Variants in VPS13C observed in about 807,000 individuals in gnomAD.
VPS13C encodes intermembrane lipid transfer protein VPS13C.
VPS13C carries 358 observed loss-of-function variants against 456.8 expected under a neutral mutation model. The observed-to-expected ratio is 0.78, with a 90% CI of 0.72 to 0.86. The LOEUF (loss-of-function observed/expected upper bound fraction) is 0.86. VPS13C is among the 40% of genes least tolerant of loss of function. The pLI is 0.00. For missense variants in VPS13C, 4,818 were observed against 4,385.4 expected, an observed-to-expected ratio of 1.10 and a Z score of -2.79; for synonymous variants, 1,578 against 1,486.7, an observed-to-expected ratio of 1.06 and a Z score of -1.41.
At chr15:61,920,441 TTA>T (rs1313725469) in intron 56 of VPS13C, 55 bp downstream of exon 56, 12 of 1,487,596 alleles carry the variant, frequency 8.1e-6, no homozygotes, top group South Asian at 2.9e-5. Context: ...GACAAAAAAA[TTA>T]TATGTTTCAT....
At chr15:62,018,272 C>T (rs2140550164) in intron 9 of VPS13C, among the ~76,000 whole-genome samples, 1 of 152,160 alleles carries the variant, frequency 6.6e-6, no homozygotes. Context: ...ATTGAATACC[C>T]TTTATTTCTT....
chr15:61,954,688 T>A (rs948373230), intron 37 of VPS13C, 134 bp from the exon 38 acceptor site: 2 of 837,634 alleles, frequency 2.4e-6, no homozygotes, highest in African/African-American at 1.8e-5. Context: ...CGCTAGCCCT[T>A]GGAAAACTCA....
In VPS13C at chr15:61,911,487, A is replaced by G. The variant is rs1376981491; in HGVS notation, c.8715+353T>C. 2.0e-5 allele frequency among the ~76,000 whole-genome samples: 3 copies of G among 152,144 alleles called. No homozygotes were observed. In the East Asian group the frequency reaches 5.8e-4, roughly 29 times the overall value. On this transcript the variant is annotated intron_variant, in intron 63 of 84. Transcript: ENST00000644861. Reference sequence around the variant, plus strand: ...GGATGTGCTATCTCTCCACATGCAGACTTTTATGACTCTTTTAAGATAATA... The same window carrying G: ...GGATGTGCTATCTCTCCACATGCAGGCTTTTATGACTCTTTTAAGATAATA...
rs886300601 is a variant in VPS13C at position 61,991,778 on chromosome 15, T to A, written c.1378A>T (p.Arg460Trp). 2.5e-6 allele frequency: 4 copies of A among 1,613,310 alleles called. No homozygotes were observed. The highest frequency in any genetic ancestry group is 1.3e-5 in the African/African-American group (1 of 75,010). Residue 460 changes from arginine to tryptophan, a missense_variant, in exon 17 of 85, where the codon AGG (arginine) becomes TGG (tryptophan). Arg to Trp is a moderately radical substitution (Grantham distance 101, BLOSUM62 -3). Transcript: ENST00000644861. ...TCGCCTGTGTCAGCAGACTTTTTCC[T>A]TAATTTTTGCCCAGACCGAATCACC... ...VEVIRSGQKLRKKSADTGEKR... is the reference protein window; with the variant it reads ...VEVIRSGQKLWKKSADTGEKR...
chr15:62,006,520 T>A (rs1378782722), intron 15 of VPS13C, among the ~76,000 whole-genome samples: 1 of 152,188 alleles, frequency 6.6e-6, no homozygotes, highest in Non-Finnish European at 1.5e-5. Context: ...GACATTTGGA[T>A]TGGTTCCAAG....
chr15:61,904,934 G>A (rs1266821394), intron 66 of VPS13C, among the ~76,000 whole-genome samples: 1 of 151,734 alleles, frequency 6.6e-6, no homozygotes, highest in Non-Finnish European at 1.5e-5. Context: ...AAAAAAAAAA[G>A]TGTATTTTAC....
intron 62 of VPS13C, among the ~76,000 whole-genome samples, 154 bp downstream of exon 62, chr15:61,913,157 T>C (rs187017788): frequency 1.2e-3 from 185 of 151,720 alleles, no homozygotes; most frequent in Non-Finnish European, 1.8e-3. Context: ...GAAATACCAT[T>C]TGACCCAGCC....
intron 15 of VPS13C, among the ~76,000 whole-genome samples, chr15:62,006,101 T>C (rs2046831960): frequency 9.5e-6 from 1 of 104,804 alleles, no homozygotes; most frequent in South Asian, 2.9e-4. Flanking sequence ...GAAATTCTTA[T>C]TTTTTTTTTA....
chr15:62,047,595 T>C (rs545233806), intron 1 of VPS13C, among the ~76,000 whole-genome samples: 9 of 152,210 alleles, frequency 5.9e-5, no homozygotes, highest in Admixed American at 3.9e-4. Flanking sequence ...GGAGGAGCTC[T>C]AGTTCTAATA....
intron 50 of VPS13C, among the ~76,000 whole-genome samples, chr15:61,930,813 A>C (rs2044029303): frequency 1.3e-5 from 2 of 152,236 alleles, no homozygotes; most frequent in South Asian, 4.1e-4. Flanking sequence ...ACATCACCAA[A>C]TATATCACCC....
intron 78 of VPS13C, 30 bp downstream of exon 78, chr15:61,873,216 G>A (rs1187752603): frequency 6.2e-7 from 1 of 1,610,802 alleles, no homozygotes; most frequent in Admixed American, 1.7e-5. Flanking sequence ...TTAAGTTGCA[G>A]ATTTCTTAAA....
chr15:61,949,213 G>A (rs1367776269), intron 42 of VPS13C, among the ~76,000 whole-genome samples: 1 of 152,076 alleles, frequency 6.6e-6, no homozygotes, highest in African/African-American at 2.4e-5. Context: ...TTATGTAAAA[G>A]CTAGACAGTG....
chr15:61,953,536 A>G (rs2044877968), intron 38 of VPS13C, among the ~76,000 whole-genome samples: 1 of 151,430 alleles, frequency 6.6e-6, no homozygotes, highest in Non-Finnish European at 1.5e-5. Context: ...ATGATTTCCA[A>G]TTTCATCCAT....
At position 61,858,364 on chromosome 15, in the gene VPS13C, GTCTA is replaced by G. The variant is rs1412384223; in HGVS notation, c.10953-1959_10953-1956del. ...TATCTATCTATCTATCTATCTATCT[GTCTA>G]TCTATCTCCCTCCCTCCCTATCATG... On this transcript the variant is annotated intron_variant, in intron 82 of 84. Coordinates refer to ENST00000644861, the MANE Select transcript of VPS13C (RefSeq NM_020821.3). The surrounding 1 kb of genome is among the most constrained non-coding windows in gnomAD (Gnocchi z 4.4). Among the ~76,000 whole-genome samples the G allele has an allele frequency of 1.1e-3, 141 of 131,258 alleles. No individual in the cohort carries two copies. Among genetic ancestry groups the G allele is most frequent in the Middle Eastern group, 3.7e-3 (1 of 268 alleles). 86.1% of individuals were successfully genotyped at this position (131,258 alleles called of 152,430 possible).
rs764534732 is a variant in VPS13C, at chr15:61,881,516, T to A, written c.9776+47A>T. 2.6e-6 allele frequency: 4 copies of A among 1,512,494 alleles called. No homozygotes were observed. The African/African-American group carries it at 5.7e-5, about 21-fold the overall frequency. The allele number at this position is 1,512,494 out of a possible 1,614,324, so 93.7% of individuals were successfully genotyped here. ...GAGTAAGATTTATTTTCAAAGTAGA[T>A]TCTCATTTTAAATTCTTTTAGAGAA... On this transcript the variant is annotated intron_variant, in intron 71 of 84. Transcript: ENST00000644861.
At chr15:61,978,527 T>C (rs941834640) in intron 23 of VPS13C, 99 bp downstream of exon 23, 1 of 1,380,844 alleles carries the variant, frequency 7.2e-7, no homozygotes, top group East Asian at 2.5e-5. Flanking sequence ...GTGTGCAAAA[T>C]GGTTGTCAGG....
chr15:62,056,009 TC>T (rs2048783474), intron 1 of VPS13C, among the ~76,000 whole-genome samples: 1 of 152,184 alleles, frequency 6.6e-6, no homozygotes, highest in Non-Finnish European at 1.5e-5. Context: ...CCAAAAAGTC[TC>T]AGACACTGTC....
chr15:62,055,100 AT>A (rs2048742847), intron 1 of VPS13C, among the ~76,000 whole-genome samples: 2 of 152,254 alleles, frequency 1.3e-5, no homozygotes, highest in African/African-American at 4.8e-5. Flanking sequence ...TTGGCATTAA[AT>A]AAAATCTTTA....
intron 49 of VPS13C, 51 bp downstream of exon 49, chr15:61,934,164 AACTG>A (rs759199947): frequency 1.8e-4 from 227 of 1,248,880 alleles, no homozygotes; most frequent in Non-Finnish European, 2.5e-4. Context: ...AACACTCTAA[AACTG>A]ACTATCAAGA....
Sources: allele counts gnomAD v4.1 joint callset (sites outside exome capture counted in the v4.1 genomes callset), GRCh38; gene constraint gnomAD v4.1.1; non-coding constraint Gnocchi (gnomAD v3.1); transcripts MANE v1.5; gene names NCBI Gene and HGNC (gene_info 2026-07-23, HGNC 2026-07-21).